Variants in COLEC12 observed in about 807,000 individuals in gnomAD.
COLEC12 encodes collectin subfamily member 12.
In COLEC12, 33 loss-of-function variants were observed where a neutral mutation model predicts 71.1. The observed-to-expected ratio is 0.46, with a 90% CI of 0.35 to 0.62. The LOEUF is 0.62. Among genes scored for constraint, COLEC12 ranks in the 20% least tolerant of loss-of-function variants. COLEC12 has a pLI of 0.00. For synonymous variants in COLEC12, 350 were observed against 353.0 expected, an observed-to-expected ratio of 0.99 and a Z score of 0.10; for missense variants, 765 against 916.1, an observed-to-expected ratio of 0.84 and a Z score of 2.13.
chr18:419,874 G>A (rs191801176), intron 2 of COLEC12, among the ~76,000 whole-genome samples: 30 of 152,288 alleles, frequency 2.0e-4, no homozygotes, highest in Non-Finnish European at 2.6e-4. Flanking sequence ...AAAGAATGCC[G>A]TGCCAATTTC....
intron 2 of COLEC12, among the ~76,000 whole-genome samples, chr18:469,506 G>T (rs1457752510): frequency 6.6e-6 from 1 of 152,112 alleles, no homozygotes; most frequent in Non-Finnish European, 1.5e-5. Flanking sequence ...TGATATGCAG[G>T]ACTAAGAATG....
At chr18:473,665 A>C (rs1266368998) in intron 2 of COLEC12, among the ~76,000 whole-genome samples, 2 of 152,104 alleles carry the variant, frequency 1.3e-5, no homozygotes, top group Non-Finnish European at 2.9e-5. Context: ...GCCCGGCCTC[A>C]ACTCATATCT....
At chr18:472,870 G>A (rs968081047) in intron 2 of COLEC12, among the ~76,000 whole-genome samples, 1 of 151,756 alleles carries the variant, frequency 6.6e-6, no homozygotes, top group African/African-American at 2.4e-5. Context: ...GAGGACTGCT[G>A]GGCTTCACAA....
intron 3 of COLEC12, 128 bp downstream of exon 3, chr18:357,272 T>C (rs760488889): frequency 2.4e-6 from 2 of 835,840 alleles, no homozygotes; most frequent in Non-Finnish European, 3.7e-6. Context: ...ATGAAGTTTA[T>C]CATGTTGTTA....
intron 2 of COLEC12, among the ~76,000 whole-genome samples, chr18:466,118 T>C (rs1003826796): frequency 3.9e-5 from 6 of 152,194 alleles, no homozygotes; most frequent in African/African-American, 9.6e-5. Flanking sequence ...CAGTTGCCTG[T>C]AGTCCCAGCT....
At chr18:453,728 A>G (rs1291016002) in intron 2 of COLEC12, among the ~76,000 whole-genome samples, 1 of 152,228 alleles carries the variant, frequency 6.6e-6, no homozygotes, top group East Asian at 1.9e-4. Context: ...TCATGCAATT[A>G]CGCTCCACTG....
chr18:352,409 CT>C (rs1914542560), intron 3 of COLEC12, among the ~76,000 whole-genome samples: 2 of 152,094 alleles, frequency 1.3e-5, no homozygotes, highest in South Asian at 4.1e-4. Flanking sequence ...ACCCTTTCTA[CT>C]TTTTCTTCCA....
At chr18:486,111 G>A (rs1393185937) in intron 1 of COLEC12, among the ~76,000 whole-genome samples, 2 of 152,242 alleles carry the variant, frequency 1.3e-5, no homozygotes, top group African/African-American at 2.4e-5. Context: ...GTTTGCAGAA[G>A]AGAGGAGACT....
In COLEC12 at chr18:500,535, G is replaced by A; in HGVS notation, c.-21C>T. 1.6e-6 allele frequency: 2 copies of A among 1,224,062 alleles called. No homozygotes were observed. Among genetic ancestry groups the A allele is most frequent in the African/African-American group, 1.6e-5 (1 of 63,854 alleles). The allele number at this position is 1,224,062 out of a possible 1,614,324, so 75.8% of individuals were successfully genotyped here. A position where few individuals can be genotyped will look rare whatever the true frequency, so the allele number is the denominator to read the frequency against. On this transcript the variant is annotated 5_prime_UTR_variant, in exon 1 of 10. Transcript: ENST00000400256. This position sits in a 1 kb window ranked among gnomAD's most constrained non-coding sequence, Gnocchi z 5.3. ...TTCATGGTGACCGTGGGGACGCACC[G>A]CCGGCCGGGGAGCTCCGCGCGAGCG...
chr18:471,797 A>C (rs1186292029), intron 2 of COLEC12, among the ~76,000 whole-genome samples: 1 of 152,048 alleles, frequency 6.6e-6, no homozygotes, highest in Non-Finnish European at 1.5e-5. Flanking sequence ...CTCACCAACC[A>C]TTCCTCCCCA....
chr18:416,560 G>T (rs902212786), intron 2 of COLEC12, among the ~76,000 whole-genome samples: 4 of 152,092 alleles, frequency 2.6e-5, no homozygotes, highest in African/African-American at 7.2e-5. Context: ...CTCCTCTCTG[G>T]TAGGGAATCT....
intron 2 of COLEC12, among the ~76,000 whole-genome samples, chr18:472,422 A>T (rs1917215338): frequency 6.6e-6 from 1 of 152,142 alleles, no homozygotes; most frequent in Non-Finnish European, 1.5e-5. Context: ...TCACATCTGC[A>T]ATCTCAGCAC....
intron 2 of COLEC12, among the ~76,000 whole-genome samples, chr18:460,954 C>T (rs1293800074): frequency 6.6e-6 from 1 of 152,164 alleles, no homozygotes; most frequent in Non-Finnish European, 1.5e-5. Flanking sequence ...GTGTGATGAG[C>T]TAACTTTGAA....
intron 2 of COLEC12, among the ~76,000 whole-genome samples, chr18:378,706 TAGG>T (rs1429588265): frequency 6.6e-6 from 1 of 152,222 alleles, no homozygotes; most frequent in Non-Finnish European, 1.5e-5. Flanking sequence ...AAGGGTCTAC[TAGG>T]AGAACCATGT....
chr18:385,960 G>A (rs1481658215), intron 2 of COLEC12, among the ~76,000 whole-genome samples: 1 of 152,212 alleles, frequency 6.6e-6, no homozygotes, highest in Non-Finnish European at 1.5e-5. Context: ...GGAGAGTAAA[G>A]TGCTACCTAA....
At chr18:368,971 G>C (rs1914933404) in intron 2 of COLEC12, among the ~76,000 whole-genome samples, 2 of 152,170 alleles carry the variant, frequency 1.3e-5, no homozygotes, top group African/African-American at 4.8e-5. Flanking sequence ...TATACTGACT[G>C]GTGACCCCCA....
At chr18:427,268 A>G (rs1210599209) in intron 2 of COLEC12, among the ~76,000 whole-genome samples, 6 of 152,228 alleles carry the variant, frequency 3.9e-5, no homozygotes, top group Non-Finnish European at 5.9e-5. Flanking sequence ...TCTGTGTAGT[A>G]AAGATGAGTC....
At position 490,073 on chromosome 18, in the gene COLEC12, G is replaced by C. The variant is rs370425651; in HGVS notation, c.8-9316C>G. On this transcript the variant is annotated intron_variant, in intron 1 of 9. Transcript: ENST00000400256. ...CCCATGGAATGTGGCGGAAGTGGGA[G>C]TGGGTGGCTCCAGGGCCCTGGCCTT... Among the ~76,000 whole-genome samples, 13 of 152,362 alleles carry C rather than the reference G, an allele frequency of 8.5e-5. No individual in the cohort carries two copies. The South Asian group carries it at 2.1e-3, about 24-fold the overall frequency.
At chr18:454,114 CA>C (rs1384025271) in intron 2 of COLEC12, among the ~76,000 whole-genome samples, 2 of 152,098 alleles carry the variant, frequency 1.3e-5, no homozygotes, top group African/African-American at 4.8e-5. Flanking sequence ...CCATAGACTC[CA>C]AAGCCCTCCC....
Sources: gnomAD v4.1 joint callset for allele counts (sites outside exome capture counted in the v4.1 genomes callset) on GRCh38, gnomAD v4.1.1 for gene constraint, Gnocchi (gnomAD v3.1) non-coding constraint, MANE v1.5 for transcripts, NCBI Gene and HGNC (gene_info 2026-07-23, HGNC 2026-07-21) for gene names.